Variants in HNRNPF observed in about 807,000 individuals in gnomAD.
HNRNPF encodes the protein HnRNP F protein.
A neutral mutation model predicts 26.0 loss-of-function variants in HNRNPF; 2 were observed. That is an observed-to-expected ratio of 0.08 (90% CI 0.03 to 0.24). HNRNPF has a LOEUF of 0.24. Among genes scored for constraint, HNRNPF ranks in the 10% least tolerant of loss-of-function variants. The pLI, the probability that HNRNPF is intolerant of heterozygous loss-of-function variation, is 1.00. For synonymous variants in HNRNPF, 234 were observed against 211.5 expected, an observed-to-expected ratio of 1.11 and a Z score of -0.92; for missense variants, 299 against 539.2, an observed-to-expected ratio of 0.55 and a Z score of 4.41.
At position 43,399,749 on chromosome 10, in the gene HNRNPF, A is replaced by G. The variant is rs147936927; in HGVS notation, c.-246-3159T>C. Among the ~76,000 whole-genome samples, 230 of 152,342 alleles carry G rather than the reference A, an allele frequency of 1.5e-3. 1 individual carries two copies. Among genetic ancestry groups the G allele is most frequent in the African/African-American group, 5.2e-3 (216 of 41,568 alleles). On this transcript the variant is annotated intron_variant, in intron 1 of 3. Coordinates refer to ENST00000682386, the MANE Select transcript of HNRNPF (RefSeq NM_001098204.2). ...TGTAGAGAAAAATGACTGAGTCTGG[A>G]GACTGACTGACTCACCAAGAAATAC...
intron 3 of HNRNPF, among the ~76,000 whole-genome samples, chr10:43,390,722 C>G (rs941899094): frequency 6.6e-6 from 1 of 152,210 alleles, no homozygotes; most frequent in Non-Finnish European, 1.5e-5. Context: ...AAACAAATAT[C>G]TGACTACTCC....
At chr10:43,390,328 G>C (rs1189450187) in intron 3 of HNRNPF, among the ~76,000 whole-genome samples, 3 of 152,136 alleles carry the variant, frequency 2.0e-5, no homozygotes, top group Admixed American at 6.5e-5. Flanking sequence ...ACCATACCCT[G>C]GTCTTGCTCC....
intron 3 of HNRNPF, among the ~76,000 whole-genome samples, chr10:43,393,101 C>G (rs558289300): frequency 4.6e-5 from 7 of 152,354 alleles, no homozygotes; most frequent in Middle Eastern, 3.4e-3. Flanking sequence ...TCTTCCATTT[C>G]CTCAGCAATA....
chr10:43,404,250 T>C (rs1838841164), intron 1 of HNRNPF, among the ~76,000 whole-genome samples: 1 of 148,242 alleles, frequency 6.7e-6, no homozygotes, highest in Admixed American at 6.8e-5. Context: ...GCAGTGAGCC[T>C]GGATCCTGCC....
At chr10:43,407,408 C>G (rs1279397353) in intron 1 of HNRNPF, among the ~76,000 whole-genome samples, 1 of 152,140 alleles carries the variant, frequency 6.6e-6, no homozygotes, top group Non-Finnish European at 1.5e-5. Context: ...CTTCCACCCT[C>G]CGCCGGGACA....
rs1258978839 is a variant in HNRNPF at position 43,387,871 on chromosome 10, G to A, written c.14C>T (p.Pro5Leu). The change falls in exon 4 of 4, where the codon CCT becomes CTT. Residue 5 changes from proline (P) to leucine (L), a missense_variant. Pro to Leu is a moderately conservative substitution (Grantham distance 98). Around this residue, in one of 6 missense-constraint regions of HNRNPF, gnomAD observed 104 missense variants for 239.0 expected, o/e 0.44. Coordinates refer to ENST00000682386, the MANE Select transcript of HNRNPF (RefSeq NM_001098204.2). The surrounding 1 kb of genome is among the most constrained non-coding windows in gnomAD (Gnocchi z 6.0). MMLG[P>L]EGGEGFVVKL... ...GACCACAAAGCCTTCACCTCCCTCA[G>A]GGCCCAGCATCATGGACACTTGTCA... The A allele has an allele frequency of 1.2e-6, 2 of 1,609,210 alleles. No individual in the cohort carries two copies. Among genetic ancestry groups the A allele is most frequent in the Non-Finnish European group, 1.7e-6 (2 of 1,175,956 alleles).
At chr10:43,388,164 G>A (rs1028662412) in intron 3 of HNRNPF, among the ~76,000 whole-genome samples, 3 of 152,158 alleles carry the variant, frequency 2.0e-5, no homozygotes, top group Non-Finnish European at 2.9e-5. Flanking sequence ...CTTGAACACA[G>A]AGAAATGTAA....
intron 3 of HNRNPF, among the ~76,000 whole-genome samples, chr10:43,388,377 T>A (rs558271888): frequency 1.3e-5 from 2 of 152,310 alleles, no homozygotes; most frequent in East Asian, 3.9e-4. Flanking sequence ...AAATAAGGGA[T>A]GGGAACATAG....
intron 1 of HNRNPF, among the ~76,000 whole-genome samples, chr10:43,405,488 C>T (rs1183234365): frequency 6.6e-6 from 1 of 152,100 alleles, no homozygotes; most frequent in African/African-American, 2.4e-5. Flanking sequence ...AACCCCGCCT[C>T]TACTAAAAAT....
intron 3 of HNRNPF, among the ~76,000 whole-genome samples, chr10:43,393,258 T>A (rs1479794402): frequency 2.0e-5 from 3 of 152,226 alleles, no homozygotes; most frequent in Non-Finnish European, 2.9e-5. Flanking sequence ...AATTCCTGTA[T>A]GTACAAACAG....
At chr10:43,388,697 G>A (rs1455227819) in intron 3 of HNRNPF, among the ~76,000 whole-genome samples, 1 of 152,236 alleles carries the variant, frequency 6.6e-6, no homozygotes, top group East Asian at 1.9e-4. Context: ...ATCTGGAAGA[G>A]GGCATCGGGA....
intron 1 of HNRNPF, among the ~76,000 whole-genome samples, chr10:43,400,883 G>A (rs1327549385): frequency 9.3e-6 from 1 of 107,214 alleles, no homozygotes; most frequent in African/African-American, 5.0e-5. Context: ...GGATCACGAG[G>A]TCAGGAGGGC....
intron 1 of HNRNPF, among the ~76,000 whole-genome samples, chr10:43,399,690 G>A (rs955850775): frequency 1.3e-5 from 2 of 152,222 alleles, no homozygotes; most frequent in Non-Finnish European, 2.9e-5. Flanking sequence ...AGTCTAGGAA[G>A]ACTGGTGGGA....
At chr10:43,394,540 A>T (rs1323830913) in intron 3 of HNRNPF, 90 bp downstream of exon 3, 1 of 152,204 alleles carries the variant, frequency 6.6e-6, no homozygotes, top group Non-Finnish European at 1.5e-5. Flanking sequence ...TTAGGGACAA[A>T]ACTTTTTTCA....
At chr10:43,397,135 G>C (rs925224106) in intron 1 of HNRNPF, 1 of 152,304 alleles carries the variant, frequency 6.6e-6, no homozygotes, top group Non-Finnish European at 1.5e-5. Flanking sequence ...ACCTGGGGGG[G>C]GCGGCCGGGA....
intron 3 of HNRNPF, among the ~76,000 whole-genome samples, chr10:43,391,299 A>G (rs1838235986): frequency 6.6e-6 from 1 of 151,862 alleles, no homozygotes. Context: ...TCTCAAAAAA[A>G]AAAAAAAAAT....
rs2131955845 is a variant in HNRNPF, at chr10:43,386,052, AT to A, written c.*584del. The stretch of plus-strand genomic sequence containing the variant: ...AAAAAGTCTTTATTTTAAGAAAAAA[AT>A]TTAGTTAACAAAAAATTTAACAAGT... On this transcript the variant is annotated 3_prime_UTR_variant, in exon 4 of 4. Transcript: ENST00000682386. The A allele has an allele frequency of 6.5e-6, 1 of 152,786 alleles. No individual in the cohort carries two copies. The highest frequency in any genetic ancestry group is 2.1e-4 in the South Asian group (1 of 4,828). 9.5% of individuals were successfully genotyped at this position (152,786 alleles called of 1,614,324 possible). A position where few individuals can be genotyped will look rare whatever the true frequency, so the allele number is the denominator to read the frequency against.
intron 1 of HNRNPF, among the ~76,000 whole-genome samples, chr10:43,406,627 C>T (rs1217811064): frequency 1.3e-5 from 2 of 151,358 alleles, no homozygotes; most frequent in African/African-American, 4.9e-5. Flanking sequence ...ACAGGAGGAT[C>T]TCGGCAGCGA....
intron 3 of HNRNPF, among the ~76,000 whole-genome samples, chr10:43,389,639 G>A (rs1838166256): frequency 6.6e-6 from 1 of 152,164 alleles, no homozygotes; most frequent in Admixed American, 6.5e-5. Flanking sequence ...AAGATAACAA[G>A]ATGTGTCTCC....
Sources: gnomAD v4.1 joint callset for allele counts (sites outside exome capture counted in the v4.1 genomes callset) on GRCh38, gnomAD v4.1.1 for gene constraint, gnomAD v4.1.1 regional missense constraint, Gnocchi (gnomAD v3.1) non-coding constraint, MANE v1.5 for transcripts, NCBI Gene and HGNC (gene_info 2026-07-23, HGNC 2026-07-21) for gene names.